SEL1L: variants seen among roughly 807,000 people sequenced by gnomAD.
The protein encoded by SEL1L is protein sel-1 homolog 1.
A neutral mutation model predicts 109.8 loss-of-function variants in SEL1L; 52 were observed. The observed-to-expected ratio is 0.47, with a 90% CI of 0.38 to 0.60. The LOEUF (loss-of-function observed/expected upper bound fraction) is 0.60, where lower values mean the gene tolerates loss of function less well. SEL1L is among the 20% of genes least tolerant of loss of function. The probability of loss-of-function intolerance (pLI) is 0.00; values close to 1 mark genes in which losing one functional copy is unlikely to be tolerated. For synonymous variants in SEL1L, 373 were observed against 339.6 expected (o/e 1.10, Z -1.08); for missense variants, 749 against 962.2 (o/e 0.78, Z 2.93).
chr14:81,527,817 G>T, intron 1 of SEL1L, 79 bp from the exon 2 acceptor site: 1 of 921,348 alleles, frequency 1.1e-6, no homozygotes, highest in Non-Finnish European at 1.7e-6. Context: ...CATGTGAAAA[G>T]TATAGCAAAT....
At position 81,481,382 on chromosome 14, in the gene SEL1L, T is replaced by G. The variant is rs115226535; in HGVS notation, c.2047-1642A>C. On this transcript the variant is annotated intron_variant, in intron 19 of 20. Transcript: ENST00000336735. The stretch of plus-strand genomic sequence containing the variant: ...TTTCAGCTATTCCTTATTCTTGTCC[T>G]TAGGGTGTGTCATTATTTAAAAAGA... Among the ~76,000 whole-genome samples, 1,497 of 152,336 alleles carry G rather than the reference T, an allele frequency of 9.8e-3. 33 individuals carry two copies. The highest frequency in any genetic ancestry group is 0.035 in the African/African-American group (1,437 of 41,566).
rs77729701 is a variant in SEL1L, at chr14:81,501,205, C to T, written c.777+1516G>A. Among the ~76,000 whole-genome samples, 330 of 152,316 alleles carry T rather than the reference C, an allele frequency of 2.2e-3. 2 individuals are homozygous for T. In the Middle Eastern group the frequency reaches 0.037, roughly 17 times the overall value. On this transcript the variant is annotated intron_variant, in intron 6 of 20. Coordinates refer to ENST00000336735, the MANE Select transcript of SEL1L (RefSeq NM_005065.6). The stretch of plus-strand genomic sequence containing the variant: ...ACTACTCAGAAAAGAGTGATGCCAA[C>T]AGGAGAGCTACATCAAATCTAGCAT...
At chr14:81,523,310 A>C (rs1415580911) in intron 3 of SEL1L, among the ~76,000 whole-genome samples, 1 of 152,182 alleles carries the variant, frequency 6.6e-6, no homozygotes, top group African/African-American at 2.4e-5. Context: ...TTATGCCTGC[A>C]TAACAAAGCT....
At position 81,506,177 on chromosome 14, in the gene SEL1L, A is replaced by G. The variant is rs765809406; in HGVS notation, c.405T>C (p.Asp135=). 36 of 1,613,508 alleles carry G rather than the reference A, an allele frequency of 2.2e-5. No homozygotes were observed. The East Asian group carries it at 7.6e-4, about 34-fold the overall frequency. The change falls in exon 4 of 21, where the codon GAT becomes GAC. Residue 135 remains aspartate (D), a synonymous_variant. Coordinates refer to ENST00000336735, the MANE Select transcript of SEL1L (RefSeq NM_005065.6). The stretch of plus-strand genomic sequence containing the variant: ...CTGATGTACATTCATCATACTCCTT[A>G]TCTAGGAAAAGAAAAGGGAAGTGGC... The part of the protein sequence containing the change: ...EPCHFPFLFL[D]KEYDECTSDG...
intron 3 of SEL1L, among the ~76,000 whole-genome samples, chr14:81,518,110 C>T (rs1317374237): frequency 6.6e-6 from 1 of 151,594 alleles, no homozygotes; most frequent in Non-Finnish European, 1.5e-5. Context: ...CCAGGCTGGT[C>T]TTGAACTCCT....
At chr14:81,510,502 C>CTA (rs1345333850) in intron 3 of SEL1L, among the ~76,000 whole-genome samples, 33 of 126,360 alleles carry the variant, frequency 2.6e-4, no homozygotes, top group Non-Finnish European at 4.2e-4. Context: ...CTCTCTCTCT[C>CTA]TCTCTCTCTC....
At chr14:81,497,352 A>C (rs1425124539) in intron 10 of SEL1L, among the ~76,000 whole-genome samples, 1 of 152,270 alleles carries the variant, frequency 6.6e-6, no homozygotes, top group African/African-American at 2.4e-5. Context: ...ATATCAAAAG[A>C]AGCCACGAAA....
Position 81,533,840 on chromosome 14 carries a change from T to A in SEL1L, c.-96A>T. ...ACCGCCGCCTCGCCGCTGCTCTTCC[T>A]GCTCTAGTCTCCTTCCTCCGCCCCT... On this transcript the variant is annotated 5_prime_UTR_variant, in exon 1 of 21. Transcript: ENST00000336735. 2.4e-6 allele frequency: 3 copies of A among 1,251,856 alleles called. No homozygotes were observed. Among genetic ancestry groups the A allele is most frequent in the Non-Finnish European group, 2.3e-6 (2 of 877,394 alleles). 77.5% of individuals were successfully genotyped at this position (1,251,856 alleles called of 1,614,324 possible).
rs539842568 is a variant in SEL1L, at chr14:81,480,137, G to A, written c.2047-397C>T. ...TCAGTTCTGGACAGTGATCTTCAAA[G>A]TGGGGTAGAAACACTCAAGATTTTA... On this transcript the variant is annotated intron_variant, in intron 19 of 20. Coordinates refer to ENST00000336735, the MANE Select transcript of SEL1L (RefSeq NM_005065.6). 8.5e-4 allele frequency among the ~76,000 whole-genome samples: 128 copies of A among 150,966 alleles called. 1 individual carries two copies. Among genetic ancestry groups the A allele is most frequent in the African/African-American group, 3.0e-3 (122 of 40,310 alleles).
chr14:81,472,424 G>T lies in SEL1L; in HGVS notation c.*4548C>A. 8.9e-6 allele frequency: 2 copies of T among 224,078 alleles called. No individual in the cohort carries two copies. Among genetic ancestry groups the T allele is most frequent in the Non-Finnish European group, 9.1e-6 (1 of 110,404 alleles). The allele number at this position is 224,078 out of a possible 1,614,324, so 13.9% of individuals were successfully genotyped here. A position where few individuals can be genotyped will look rare whatever the true frequency, so the allele number is the denominator to read the frequency against. On this transcript the variant is annotated 3_prime_UTR_variant, in exon 21 of 21. Transcript: ENST00000336735. ...AGTTACCTCTTTGAGTTGCCTGCTG[G>T]GAAGCTGGGGGCCAAATTTGTAGCC...
chr14:81,514,833 A>G (rs1267591533), intron 3 of SEL1L, among the ~76,000 whole-genome samples: 1 of 152,120 alleles, frequency 6.6e-6, no homozygotes, highest in African/African-American at 2.4e-5. Context: ...TTTTTTCTGC[A>G]CTATGGCCTG....
intron 19 of SEL1L, among the ~76,000 whole-genome samples, chr14:81,480,727 A>C (rs534552635): frequency 2.0e-5 from 3 of 152,150 alleles, no homozygotes; most frequent in African/African-American, 7.2e-5. Flanking sequence ...CCAAAAAAAG[A>C]AACAGATTTT....
In SEL1L at chr14:81,476,857, T is replaced by G. The variant is rs775907232; in HGVS notation, c.*115A>C. The stretch of plus-strand genomic sequence containing the variant: ...CAGCTTTAGGAATTCAATGCTTCCT[T>G]GTGCCGTGCCTCTTCTGGGAGGTGA... On this transcript the variant is annotated 3_prime_UTR_variant, in exon 21 of 21. Coordinates refer to ENST00000336735, the MANE Select transcript of SEL1L (RefSeq NM_005065.6). 4 of 980,054 alleles carry G rather than the reference T, an allele frequency of 4.1e-6. No homozygotes were observed. The highest frequency in any genetic ancestry group is 6.0e-6 in the Non-Finnish European group (4 of 668,736). 60.7% of individuals were successfully genotyped at this position (980,054 alleles called of 1,614,324 possible).
At chr14:81,503,137 C>T (rs377013015) in intron 5 of SEL1L, among the ~76,000 whole-genome samples, 14 of 151,788 alleles carry the variant, frequency 9.2e-5, no homozygotes, top group African/African-American at 2.9e-4. Flanking sequence ...AGATTACAGG[C>T]GTGCGCCACC....
At chr14:81,499,431 T>A (rs762385055) in intron 8 of SEL1L, 28 bp downstream of exon 8, 1 of 1,598,906 alleles carries the variant, frequency 6.3e-7, no homozygotes, top group African/African-American at 1.4e-5. Flanking sequence ...ATGTTAATAT[T>A]ATTAGCCTTC....
intron 3 of SEL1L, among the ~76,000 whole-genome samples, chr14:81,517,774 G>C (rs1238341354): frequency 6.6e-6 from 1 of 152,090 alleles, no homozygotes; most frequent in Non-Finnish European, 1.5e-5. Context: ...TCCTGATCAG[G>C]GGAAGCTGCA....
chr14:81,494,237 C>T (rs992932910), intron 11 of SEL1L, among the ~76,000 whole-genome samples: 4 of 152,164 alleles, frequency 2.6e-5, no homozygotes, highest in African/African-American at 9.7e-5. Flanking sequence ...ATCAGCTCCC[C>T]TTCACTTATA....
chr14:81,516,251 T>C (rs990664821), intron 3 of SEL1L, among the ~76,000 whole-genome samples: 4 of 152,108 alleles, frequency 2.6e-5, no homozygotes, highest in Non-Finnish European at 5.9e-5. Context: ...GGCCAGGAAA[T>C]TGACTTCCTC....
intron 3 of SEL1L, among the ~76,000 whole-genome samples, chr14:81,518,659 TAAAAAA>T (rs35790401): frequency 3.6e-5 from 3 of 84,492 alleles, no homozygotes; most frequent in Non-Finnish European, 7.2e-5. Context: ...AGACTTCGTC[TAAAAAA>T]AAAAAAAAAA....
Sources: gnomAD v4.1 joint callset for allele counts (sites outside exome capture counted in the v4.1 genomes callset) on GRCh38, gnomAD v4.1.1 for gene constraint, MANE v1.5 for transcripts, NCBI Gene and HGNC (gene_info 2026-07-23, HGNC 2026-07-21) for gene names.